Variants in FYB1 observed in about 807,000 individuals in gnomAD.
FYB1 encodes FYN-binding protein 1.
Under a neutral mutation model 94.1 loss-of-function variants are expected in FYB1, and 41 were observed. The observed-to-expected ratio is 0.44, with a 90% CI of 0.34 to 0.57. FYB1 has a LOEUF of 0.57. Among genes scored for constraint, FYB1 ranks in the 20% least tolerant of loss-of-function variants. The pLI is 0.02. For synonymous variants in FYB1, 367 were observed against 353.2 expected, an observed-to-expected ratio of 1.04 and a Z score of -0.44; for missense variants, 1,050 against 976.8, an observed-to-expected ratio of 1.07 and a Z score of -1.00.
Position 39,227,138 on chromosome 5 carries a change from T to C in FYB1, c.-27-24151A>G, listed in dbSNP as rs111405421. On this transcript the variant is annotated intron_variant, in intron 1 of 1. Coordinates refer to the FYB1 transcript ENST00000510188. ...TCACACACACTCACATACGTTCATA[T>C]AAATCCATTAAAAGTAGTTTGGAAA... Among the ~76,000 whole-genome samples, 139 of 152,310 alleles carry C rather than the reference T, an allele frequency of 9.1e-4. 2 individuals carry two copies. The highest frequency in any genetic ancestry group is 3.2e-3 in the African/African-American group (133 of 41,570).
rs761809629 is a variant in FYB1 at position 39,153,601 on chromosome 5, G to C, written c.1139C>G (p.Thr380Ser). ...KFHKTSSGNS[T>S]SKGQTSYSTT... ...TGAGTAAGACGTCTGGCCTTTGCTAGTACCTAAGAAGCAAAGCAAACAATA... is the reference window on the plus strand; with the variant it reads ...TGAGTAAGACGTCTGGCCTTTGCTACTACCTAAGAAGCAAAGCAAACAATA... Residue 380 changes from threonine (T) to serine (S), a missense_variant, in exon 3 of 19, where the codon ACT becomes AGT. Transcript: ENST00000512982. 1.2e-6 allele frequency: 2 copies of C among 1,607,776 alleles called. No homozygotes were observed. The highest frequency in any genetic ancestry group is 2.7e-5 in the African/African-American group (2 of 74,438).
chr5:39,188,153 C>T (rs1339632730), intron 2 of FYB1, among the ~76,000 whole-genome samples: 1 of 152,060 alleles, frequency 6.6e-6, no homozygotes, highest in Non-Finnish European at 1.5e-5. Context: ...AACCCTTGGA[C>T]CTCTTTGTGA....
chr5:39,214,397 C>A (rs1244700607), intron 1 of FYB1, among the ~76,000 whole-genome samples: 2 of 152,140 alleles, frequency 1.3e-5, no homozygotes, highest in Non-Finnish European at 2.9e-5. Flanking sequence ...GGTGTATACC[C>A]AAAAGAACTG....
chr5:39,227,488 T>C (rs1262738191), intron 1 of FYB1, among the ~76,000 whole-genome samples: 1 of 149,296 alleles, frequency 6.7e-6, no homozygotes, highest in Non-Finnish European at 1.5e-5. Flanking sequence ...TACACACATA[T>C]GTGGCAACAC....
At position 39,166,396 on chromosome 5, in the gene FYB1, G is replaced by A. The variant is rs368111300; in HGVS notation, c.1136-12792C>T. 5.0e-3 allele frequency among the ~76,000 whole-genome samples: 751 copies of A among 150,856 alleles called. 12 individuals are homozygous for A. Among genetic ancestry groups the A allele is most frequent in the South Asian group, 0.038 (182 of 4,794 alleles). ...GGTTGTGGTGAGCCAAGATTGTGCC[G>A]TTGTACTCCAGTCTGGGCAACAAGG... On this transcript the variant is annotated intron_variant, in intron 2 of 18. Transcript: ENST00000512982.
intron 2 of FYB1, among the ~76,000 whole-genome samples, chr5:39,179,562 T>C (rs999512113): frequency 4.9e-4 from 74 of 151,424 alleles, no homozygotes; most frequent in African/African-American, 1.7e-3. Context: ...TTTTTTTTTT[T>C]TGAGACAGAG....
chr5:39,225,854 T>C (rs1475425518), intron 1 of FYB1, among the ~76,000 whole-genome samples: 3 of 152,192 alleles, frequency 2.0e-5, no homozygotes, highest in African/African-American at 7.2e-5. Context: ...CAGGGATCTT[T>C]CAACAAAACC....
intron 2 of FYB1, among the ~76,000 whole-genome samples, chr5:39,186,249 C>T (rs11741852): frequency 0.02 from 3,076 of 152,238 alleles, 43 homozygotes; most frequent in Non-Finnish European, 0.034. Flanking sequence ...CATGGTGAAA[C>T]CCCGTCTCTA....
At chr5:39,262,922 C>G (rs142489841) in intron 1 of FYB1, among the ~76,000 whole-genome samples, 1 of 152,218 alleles carries the variant, frequency 6.6e-6, no homozygotes, top group East Asian at 1.9e-4. Context: ...TTCTGAAAGG[C>G]ACTTTAAAAA....
intron 2 of FYB1, among the ~76,000 whole-genome samples, chr5:39,182,322 T>C (rs1746332315): frequency 6.7e-6 from 1 of 149,400 alleles, no homozygotes; most frequent in Admixed American, 6.7e-5. Flanking sequence ...TGTGTGTGTG[T>C]GTGTGTGTGT....
intron 1 of FYB1, among the ~76,000 whole-genome samples, chr5:39,240,056 A>G (rs1751136083): frequency 6.6e-6 from 1 of 152,172 alleles, no homozygotes; most frequent in African/African-American, 2.4e-5. Flanking sequence ...AGCAAAGTCA[A>G]TATAACAAGC....
At chr5:39,178,597 G>C (rs566441176) in intron 2 of FYB1, among the ~76,000 whole-genome samples, 11 of 152,282 alleles carry the variant, frequency 7.2e-5, no homozygotes, top group Admixed American at 6.5e-4. Context: ...GTAATGTGGA[G>C]AGAGACGAAA....
chr5:39,255,192 A>G (rs1449323844), intron 1 of FYB1, among the ~76,000 whole-genome samples: 2 of 152,184 alleles, frequency 1.3e-5, no homozygotes, highest in African/African-American at 2.4e-5. Flanking sequence ...GGATAAATGG[A>G]GGTATAAACA....
chr5:39,182,590 T>TCCCAAAGGAGAG (rs2150429434), intron 2 of FYB1, among the ~76,000 whole-genome samples: 1 of 152,290 alleles, frequency 6.6e-6, no homozygotes, highest in East Asian at 1.9e-4. Context: ...AGGCAGAGCT[T>TCCCAAAGGAGAG]CTTTTAGGAG....
At chr5:39,112,148 G>T (rs933600067) in intron 16 of FYB1, among the ~76,000 whole-genome samples, 8 of 151,870 alleles carry the variant, frequency 5.3e-5, no homozygotes, top group African/African-American at 1.9e-4. Context: ...TTTGTATCAG[G>T]GTTCTCATAA....
At chr5:39,269,556 CT>C (rs1397601993) in intron 1 of FYB1, 2 of 152,486 alleles carry the variant, frequency 1.3e-5, no homozygotes, top group Non-Finnish European at 1.5e-5. Flanking sequence ...TTCTTCCTCT[CT>C]CCCCCATGGG....
chr5:39,212,179 G>A (rs1337934951), intron 1 of FYB1, among the ~76,000 whole-genome samples: 2 of 152,116 alleles, frequency 1.3e-5, no homozygotes, highest in Non-Finnish European at 2.9e-5. Flanking sequence ...ACAGTGGTGA[G>A]TGCCTGTAGT....
intron 2 of FYB1, among the ~76,000 whole-genome samples, chr5:39,185,308 T>C (rs998957993): frequency 1.3e-5 from 2 of 152,022 alleles, no homozygotes; most frequent in Non-Finnish European, 2.9e-5. Flanking sequence ...CTTCTTTGCA[T>C]TGTATAAACC....
At chr5:39,230,077 A>G (rs1384090031) in intron 1 of FYB1, among the ~76,000 whole-genome samples, 1 of 152,226 alleles carries the variant, frequency 6.6e-6, no homozygotes, top group African/African-American at 2.4e-5. Flanking sequence ...TAACGTCCCC[A>G]TCTTCCAAAA....
Sources: gnomAD v4.1 joint callset for allele counts (sites outside exome capture counted in the v4.1 genomes callset) on GRCh38, gnomAD v4.1.1 for gene constraint, MANE v1.5 for transcripts, NCBI Gene and HGNC (gene_info 2026-07-23, HGNC 2026-07-21) for gene names.